Variants in ADRA1B observed in about 807,000 individuals in gnomAD.
The protein encoded by ADRA1B is alpha-1B adrenergic receptor.
ADRA1B carries 17 observed loss-of-function variants against 17.9 expected under a neutral mutation model. The ratio of observed to expected loss-of-function variants is 0.95; its 90% CI spans 0.65 to 1.42. The LOEUF (loss-of-function observed/expected upper bound fraction) is 1.42. Ranked by LOEUF, ADRA1B falls within the 40% of genes most tolerant of loss-of-function variation. The pLI, the probability that ADRA1B is intolerant of heterozygous loss-of-function variation, is 0.00. For missense variants in ADRA1B, 681 were observed against 722.1 expected (o/e 0.94, Z 0.65); for synonymous variants, 366 against 327.6 (o/e 1.12, Z -1.27).
intron 1 of ADRA1B, among the ~76,000 whole-genome samples, chr5:159,950,242 A>C (rs1360403809): frequency 1.3e-5 from 2 of 152,172 alleles, no homozygotes; most frequent in East Asian, 3.9e-4. Flanking sequence ...TAGCAAGCTT[A>C]AGTGATCTGC....
chr5:159,908,317 C>T (rs558148297), intron 1 of ADRA1B, among the ~76,000 whole-genome samples: 91 of 152,296 alleles, frequency 6.0e-4, no homozygotes, highest in African/African-American at 2.1e-3. Flanking sequence ...GTATCAACCA[C>T]GCTATGGTTT....
chr5:159,903,943 T>C (rs1315016624), intron 1 of ADRA1B, among the ~76,000 whole-genome samples: 2 of 152,110 alleles, frequency 1.3e-5, no homozygotes, highest in Non-Finnish European at 2.9e-5. Flanking sequence ...TCACCTGACC[T>C]GTACACACAC....
At chr5:159,913,749 G>A (rs976695831), upstream of ADRA1B, among the ~76,000 whole-genome samples, 1 of 152,076 alleles carries the variant, frequency 6.6e-6, no homozygotes, top group African/African-American at 2.4e-5. Context: ...TGATTATGTA[G>A]ACACAGCCTC....
chr5:159,881,180 CAAAAAAAAAA>C (rs35928792), intron 1 of ADRA1B, among the ~76,000 whole-genome samples: 2 of 56,828 alleles, frequency 3.5e-5, no homozygotes, highest in Non-Finnish European at 3.6e-5. Context: ...GACTCCGTCT[CAAAAAAAAAA>C]AAAAAAAAAA....
At chr5:159,866,231 G>C (rs182245015) in intron 1 of ADRA1B, among the ~76,000 whole-genome samples, 65 of 151,520 alleles carry the variant, frequency 4.3e-4, no homozygotes, top group African/African-American at 1.5e-3. Context: ...ACTTTAGCCC[G>C]GGAGGTCAAC....
chr5:159,898,867 C>T (rs776016853), intron 1 of ADRA1B, among the ~76,000 whole-genome samples: 7 of 152,100 alleles, frequency 4.6e-5, no homozygotes, highest in Non-Finnish European at 8.8e-5. Context: ...TAGTGGAGGC[C>T]AGGAGCAATG....
intron 1 of ADRA1B, among the ~76,000 whole-genome samples, chr5:159,892,748 G>T (rs1291437932): frequency 1.3e-5 from 2 of 152,120 alleles, no homozygotes; most frequent in Non-Finnish European, 2.9e-5. Flanking sequence ...TGGGCATTTA[G>T]GTTGGTTCCA....
chr5:159,874,528 G>A (rs559852482), intron 1 of ADRA1B, among the ~76,000 whole-genome samples: 206 of 150,744 alleles, frequency 1.4e-3, no homozygotes, highest in Middle Eastern at 3.4e-3. Context: ...AGCTGGTGGT[G>A]ACTCATTCCC....
At chr5:159,882,687 G>A (rs1299630592) in intron 1 of ADRA1B, among the ~76,000 whole-genome samples, 1 of 152,184 alleles carries the variant, frequency 6.6e-6, no homozygotes, top group African/African-American at 2.4e-5. Flanking sequence ...AGCTGTGCTT[G>A]GTAATATCCA....
At chr5:159,942,518 A>T (rs1334646574) in intron 1 of ADRA1B, among the ~76,000 whole-genome samples, 2 of 152,186 alleles carry the variant, frequency 1.3e-5, no homozygotes, top group Non-Finnish European at 2.9e-5. Context: ...TAATTAAGAA[A>T]GATCTTTAAG....
At position 159,972,666 on chromosome 5, in the gene ADRA1B, A is replaced by C; in HGVS notation, c.*174A>C. ...CTTTTCTGGCAGGGGCATGGGTGCC[A>C]GGTACCACGCGGAAAGCCGGGCCGA... On this transcript the variant is annotated 3_prime_UTR_variant, in exon 2 of 2. Coordinates refer to ENST00000306675, the MANE Select transcript of ADRA1B (RefSeq NM_000679.4). 1.3e-6 allele frequency: 1 copy of C among 778,098 alleles called. No homozygotes were observed. Among genetic ancestry groups the C allele is most frequent in the East Asian group, 3.4e-5 (1 of 29,712 alleles). The allele number at this position is 778,098 out of a possible 1,614,324, so 48.2% of individuals were successfully genotyped here.
intron 1 of ADRA1B, among the ~76,000 whole-genome samples, chr5:159,949,634 C>T (rs1009544653): frequency 6.6e-6 from 1 of 152,176 alleles, no homozygotes; most frequent in African/African-American, 2.4e-5. Context: ...GAAACCAGAT[C>T]AGGAGACACT....
intron 1 of ADRA1B, among the ~76,000 whole-genome samples, chr5:159,891,015 C>T (rs1753977741): frequency 6.6e-6 from 1 of 152,186 alleles, no homozygotes; most frequent in African/African-American, 2.4e-5. Context: ...CTGCACCTGC[C>T]ATTCTAACTA....
chr5:159,868,413 A>G (rs1753692099), intron 1 of ADRA1B: 2 of 152,210 alleles, frequency 1.3e-5, no homozygotes, highest in South Asian at 4.1e-4. Context: ...ACAAGAGTTG[A>G]GCTAGGTGTG....
At chr5:159,889,928 G>C (rs1008609446) in intron 1 of ADRA1B, among the ~76,000 whole-genome samples, 1 of 152,154 alleles carries the variant, frequency 6.6e-6, no homozygotes, top group African/African-American at 2.4e-5. Context: ...TTGTCTAAAG[G>C]CTTTAAGGAA....
chr5:159,964,004 A>G (rs1755727555), intron 1 of ADRA1B, among the ~76,000 whole-genome samples: 1 of 152,200 alleles, frequency 6.6e-6, no homozygotes, highest in African/African-American at 2.4e-5. Flanking sequence ...AAAAAAGAAT[A>G]AAATAATAGA....
intron 1 of ADRA1B, among the ~76,000 whole-genome samples, chr5:159,969,815 A>G (rs1269195561): frequency 6.6e-6 from 1 of 152,270 alleles, no homozygotes; most frequent in African/African-American, 2.4e-5. Flanking sequence ...CTGAAAGTAT[A>G]CACACCAAAA....
At chr5:159,971,706 T>G (rs1211124410) in intron 1 of ADRA1B, among the ~76,000 whole-genome samples, 173 bp from the exon 2 acceptor site, 1 of 152,162 alleles carries the variant, frequency 6.6e-6, no homozygotes, top group Non-Finnish European at 1.5e-5. Flanking sequence ...TAGGATTCAT[T>G]GATTTTGAAA....
intron 1 of ADRA1B, among the ~76,000 whole-genome samples, chr5:159,871,679 C>T (rs1424758125): frequency 2.0e-5 from 3 of 152,046 alleles, no homozygotes; most frequent in Non-Finnish European, 4.4e-5. Flanking sequence ...CCATTAAAGT[C>T]ACATTCACAG....
Sources: allele counts gnomAD v4.1 joint callset (sites outside exome capture counted in the v4.1 genomes callset), GRCh38; gene constraint gnomAD v4.1.1; transcripts MANE v1.5; gene names NCBI Gene and HGNC (gene_info 2026-07-23, HGNC 2026-07-21).